Variants in SDR9C7 observed in about 807,000 individuals in gnomAD.
SDR9C7 encodes the protein short-chain dehydrogenase/reductase family 9C member 7.
In SDR9C7, 11 loss-of-function variants were observed where a neutral mutation model predicts 23.6. That is an observed-to-expected ratio of 0.47 (90% CI 0.29 to 0.77). The LOEUF is 0.77. Among genes scored for constraint, SDR9C7 ranks in the 30% least tolerant of loss-of-function variants. The pLI, the probability that SDR9C7 is intolerant of heterozygous loss-of-function variation, is 0.09. For synonymous variants in SDR9C7, 167 were observed against 157.3 expected (o/e 1.06, Z -0.46); for missense variants, 387 against 407.1 (o/e 0.95, Z 0.42).
intron 2 of SDR9C7, 60 bp downstream of exon 2, chr12:56,930,166 C>T: frequency 7.6e-6 from 12 of 1,587,210 alleles, no homozygotes; most frequent in Non-Finnish European, 1.0e-5. Context: ...CTGTCACTCC[C>T]AACCCTCTCT....
In SDR9C7 at chr12:56,926,034, G is replaced by A. The variant is rs58822244; in HGVS notation, c.725-1984C>T. Among the ~76,000 whole-genome samples the A allele has an allele frequency of 9.9e-3, 1,507 of 152,292 alleles. 25 individuals are homozygous for A. The highest frequency in any genetic ancestry group is 0.034 in the African/African-American group (1,425 of 41,546). On this transcript the variant is annotated intron_variant, in intron 3 of 3. Transcript: ENST00000293502. ...CTAGGCATGGAGTAGGATGGGAGAC[G>A]GAAGGACCCATCCAGCTTTGTCACT...
In SDR9C7 at chr12:56,923,950, G is replaced by T; in HGVS notation, c.825C>A (p.Ile275=). 1 of 1,614,152 alleles carries T rather than the reference G, an allele frequency of 6.2e-7. No individual in the cohort carries two copies. The highest frequency in any genetic ancestry group is 8.5e-7 in the Non-Finnish European group (1 of 1,179,972). ...TGGCATCCAGGCCAGGGTTGTAGCG[G>T]ATGCGAGGGCTCCGGGAAACAATAG... ...EHAIVSRSPR[I]RYNPGLDAKL... The change falls in exon 4 of 4, where the codon ATC becomes ATA. Residue 275 remains isoleucine, a synonymous_variant. Transcript: ENST00000293502.
chr12:56,927,124 T>C (rs187139139), intron 3 of SDR9C7, among the ~76,000 whole-genome samples: 11 of 152,332 alleles, frequency 7.2e-5, no homozygotes, highest in African/African-American at 2.6e-4. Flanking sequence ...CCTCTGAAAT[T>C]ATGGTGTGGA....
In SDR9C7 at chr12:56,934,091, G is replaced by A. The variant is rs983443713; in HGVS notation, c.171C>T (p.Phe57=). ...DRGMQVLAAC[F]TEEGSQKLQR... is the part of the protein sequence containing the mutation. ...GAAGTTTCTGGGATCCCTCCTCAGTGAAGCAAGCAGCCAGCACCTGCATGC... is the reference window on the plus strand; with the variant it reads ...GAAGTTTCTGGGATCCCTCCTCAGTAAAGCAAGCAGCCAGCACCTGCATGC... Residue 57 remains phenylalanine, a synonymous_variant, in exon 1 of 4, where the codon TTC becomes TTT. Coordinates refer to ENST00000293502, the MANE Select transcript of SDR9C7 (RefSeq NM_148897.3). 6.2e-7 allele frequency: 1 copy of A among 1,614,218 alleles called. No individual in the cohort carries two copies. Among genetic ancestry groups the A allele is most frequent in the Non-Finnish European group, 8.5e-7 (1 of 1,180,046 alleles).
intron 1 of SDR9C7, among the ~76,000 whole-genome samples, chr12:56,932,344 T>C (rs962556471): frequency 6.6e-6 from 1 of 152,106 alleles, no homozygotes; most frequent in Non-Finnish European, 1.5e-5. Context: ...GCCTTGAAGA[T>C]GGAGGTAGCA....
chr12:56,927,499 C>A (rs1389143901), intron 3 of SDR9C7, among the ~76,000 whole-genome samples: 1 of 152,230 alleles, frequency 6.6e-6, no homozygotes, highest in African/African-American at 2.4e-5. Context: ...ATGCCTCCCC[C>A]ACACTGTGTC....
At chr12:56,924,639 G>C (rs144571403) in intron 3 of SDR9C7, among the ~76,000 whole-genome samples, 23 of 152,216 alleles carry the variant, frequency 1.5e-4, no homozygotes, top group African/African-American at 5.5e-4. Flanking sequence ...CTTTCCTAAA[G>C]TTTGGGCATA....
At position 56,933,985 on chromosome 12, in the gene SDR9C7, C is replaced by A; in HGVS notation, c.277G>T (p.Val93Leu). The A allele has an allele frequency of 6.8e-6, 11 of 1,610,222 alleles. No individual in the cohort carries two copies. The highest frequency in any genetic ancestry group is 9.3e-6 in the Non-Finnish European group (11 of 1,176,698). ...SESIKAAAQW[V>L]RDKVGEQGLW... ...CCTTGTTCGCCCACTTTGTCCCTCACCCACTGGGCCGCCGCCTTGATGCTT... is the reference window on the plus strand; with the variant it reads ...CCTTGTTCGCCCACTTTGTCCCTCAACCACTGGGCCGCCGCCTTGATGCTT... Residue 93 changes from valine to leucine, a missense_variant, in exon 1 of 4, where the codon GTG becomes TTG. Transcript: ENST00000293502.
intron 1 of SDR9C7, among the ~76,000 whole-genome samples, chr12:56,931,675 T>C (rs1317788644): frequency 6.6e-6 from 1 of 152,116 alleles, no homozygotes; most frequent in East Asian, 1.9e-4. Flanking sequence ...CAGGAGAAGC[T>C]CTCCTTTCAT....
chr12:56,930,552 C>T (rs776391316), intron 1 of SDR9C7, 68 bp from the exon 2 acceptor site: 235 of 1,553,056 alleles, frequency 1.5e-4, no homozygotes, highest in Non-Finnish European at 1.9e-4. Flanking sequence ...CTGCTCCCCA[C>T]CGGCTCAGTG....
In SDR9C7 at chr12:56,934,304, A is replaced by T. The variant is rs1467630211; in HGVS notation, c.-43T>A. The T allele has an allele frequency of 1.9e-5, 30 of 1,553,356 alleles. No homozygotes were observed. Among genetic ancestry groups the T allele is most frequent in the Non-Finnish European group, 2.5e-5 (29 of 1,139,394 alleles). On this transcript the variant is annotated 5_prime_UTR_variant, in exon 1 of 4. Transcript: ENST00000293502. ...ATGGCCAAGAGGGACTGGGCTCAGG[A>T]GACAGCAGGGAAGAAGCTGGTCCTC...
At chr12:56,926,366 G>A (rs1208251120) in intron 3 of SDR9C7, among the ~76,000 whole-genome samples, 1 of 152,184 alleles carries the variant, frequency 6.6e-6, no homozygotes, top group Non-Finnish European at 1.5e-5. Flanking sequence ...TCCCCCAGGT[G>A]GACTTTTTAT....
At position 56,934,204 on chromosome 12, in the gene SDR9C7, C is replaced by T. The variant is rs759915727; in HGVS notation, c.58G>A (p.Val20Ile). The change falls in exon 1 of 4, where the codon GTT (valine) becomes ATT (isoleucine). Residue 20 changes from valine (V) to isoleucine (I), a missense_variant. Val to Ile is a conservative substitution (Grantham distance 29). Transcript: ENST00000293502. ...MYRWFKNCNLVGNLSEKYVFI... is the reference protein window; with the variant it reads ...MYRWFKNCNLIGNLSEKYVFI... The stretch of plus-strand genomic sequence containing the variant: ...ACGTACTTCTCTGAGAGGTTGCCAA[C>T]CAGATTGCAGTTCTTGAACCAGCGA... The T allele has an allele frequency of 2.5e-6, 4 of 1,614,052 alleles. No homozygotes were observed. Among genetic ancestry groups the T allele is most frequent in the Non-Finnish European group, 3.4e-6 (4 of 1,180,036 alleles).
At chr12:56,926,801 T>C (rs1955736846) in intron 3 of SDR9C7, among the ~76,000 whole-genome samples, 1 of 152,174 alleles carries the variant, frequency 6.6e-6, no homozygotes, top group Admixed American at 6.5e-5. Flanking sequence ...GTGTGAAACA[T>C]CCGCCATCTC....
At chr12:56,924,260 C>T (rs536122904) in intron 3 of SDR9C7, among the ~76,000 whole-genome samples, 5 of 152,096 alleles carry the variant, frequency 3.3e-5, no homozygotes, top group African/African-American at 1.2e-4. Flanking sequence ...GAAACCCCAT[C>T]TCTACTAAAA....
Position 56,934,180 on chromosome 12 carries a change from C to G in SDR9C7, c.82G>C (p.Val28Leu), listed in dbSNP as rs778481010. The G allele has an allele frequency of 6.2e-7, 1 of 1,614,228 alleles. No homozygotes were observed. The highest frequency in any genetic ancestry group is 1.1e-5 in the South Asian group (1 of 91,088). Residue 28 changes from valine (V) to leucine (L), a missense_variant, in exon 1 of 4, where the codon GTC becomes CTC. Transcript: ENST00000293502. ...CCAGAGTCACAGCCTGTGATGAAGA[C>G]GTACTTCTCTGAGAGGTTGCCAACC... ...NLVGNLSEKY[V>L]FITGCDSGFG...
intron 1 of SDR9C7, 48 bp downstream of exon 1, chr12:56,933,913 G>T (rs774189909): frequency 6.4e-6 from 10 of 1,557,828 alleles, no homozygotes; most frequent in Non-Finnish European, 8.7e-6. Flanking sequence ...GAGAGAGGAA[G>T]AGGAAGAAGG....
chr12:56,923,770 A>G lies in SDR9C7; in HGVS notation c.*63T>C. On this transcript the variant is annotated 3_prime_UTR_variant, in exon 4 of 4. Coordinates refer to ENST00000293502, the MANE Select transcript of SDR9C7 (RefSeq NM_148897.3). ...AGGATAACCGATACCACCTTTTGTG[A>G]CCCCACGGTCCTTCCTTCCTCCCCC... 7.6e-7 allele frequency: 1 copy of G among 1,320,358 alleles called. No homozygotes were observed. Among genetic ancestry groups the G allele is most frequent in the Non-Finnish European group, 1.0e-6 (1 of 959,024 alleles). The allele number at this position is 1,320,358 out of a possible 1,614,324, so 81.8% of individuals were successfully genotyped here.
chr12:56,934,204 C>A lies in SDR9C7; in HGVS notation c.58G>T (p.Val20Phe), dbSNP rs759915727. The change falls in exon 1 of 4, where the codon GTT becomes TTT. Residue 20 changes from valine to phenylalanine, a missense_variant. Val to Phe is a conservative substitution (Grantham distance 50, BLOSUM62 -1). Transcript: ENST00000293502. ...MYRWFKNCNL[V>F]GNLSEKYVFI... ...ACGTACTTCTCTGAGAGGTTGCCAACCAGATTGCAGTTCTTGAACCAGCGA... is the reference window on the plus strand; with the variant it reads ...ACGTACTTCTCTGAGAGGTTGCCAAACAGATTGCAGTTCTTGAACCAGCGA... The A allele has an allele frequency of 2.5e-6, 4 of 1,614,170 alleles. No homozygotes were observed. Among genetic ancestry groups the A allele is most frequent in the Non-Finnish European group, 2.5e-6 (3 of 1,180,028 alleles).
Sources: gnomAD v4.1 joint callset for allele counts (sites outside exome capture counted in the v4.1 genomes callset) on GRCh38, gnomAD v4.1.1 for gene constraint, MANE v1.5 for transcripts, NCBI Gene and HGNC (gene_info 2026-07-23, HGNC 2026-07-21) for gene names.